The following ABLIM1 variants were observed in gnomAD, a reference collection of about 807,000 sequenced individuals.
The protein encoded by ABLIM1 is actin binding LIM protein 1.
In ABLIM1, 40 loss-of-function variants were observed where a neutral mutation model predicts 107.0. The ratio of observed to expected loss-of-function variants is 0.37; its 90% CI spans 0.29 to 0.49. ABLIM1 has a LOEUF of 0.49. ABLIM1 is among the 20% of genes least tolerant of loss of function. The probability of loss-of-function intolerance (pLI) is 0.97; values close to 1 mark genes in which losing one functional copy is unlikely to be tolerated. For synonymous variants in ABLIM1, 357 were observed against 357.3 expected, an observed-to-expected ratio of 1.00 and a Z score of 0.01; for missense variants, 857 against 1,008.5, an observed-to-expected ratio of 0.85 and a Z score of 2.04.
chr10:114,684,752 C>T (rs2141626970), exon 1 of ABLIM1: 1 of 996,844 alleles, frequency 1.0e-6, no homozygotes, highest in Non-Finnish European at 1.2e-6. Flanking sequence ...AATCCAGAAT[C>T]CAGATTTTGA....
At chr10:114,492,677 C>A (rs772109569) in intron 6 of ABLIM1, among the ~76,000 whole-genome samples, 2 of 152,204 alleles carry the variant, frequency 1.3e-5, no homozygotes, top group African/African-American at 2.4e-5. Flanking sequence ...AAATCATCAC[C>A]ACCTAAGAAC....
chr10:114,657,920 A>G, intron 1 of ABLIM1, 37 bp downstream of exon 1: 1 of 1,553,566 alleles, frequency 6.4e-7, no homozygotes, highest in Non-Finnish European at 8.8e-7. Context: ...CAATCACAAA[A>G]CACAAAACCA....
chr10:114,784,399 T>G, the ABLIM1 span, among the ~76,000 whole-genome samples: 1 of 146,920 alleles, frequency 6.8e-6, no homozygotes, highest in African/African-American at 2.7e-5. Flanking sequence ...GCATGGTAGC[T>G]CACGCCTGTA....
chr10:114,470,834 C>T (rs899560555), intron 10 of ABLIM1, among the ~76,000 whole-genome samples: 5 of 151,860 alleles, frequency 3.3e-5, no homozygotes, highest in African/African-American at 9.7e-5. Context: ...TAGTCAGCAT[C>T]GGTCTGGTTT....
At chr10:114,521,596 AG>A (rs2063746586) in intron 6 of ABLIM1, among the ~76,000 whole-genome samples, 1 of 152,164 alleles carries the variant, frequency 6.6e-6, no homozygotes, top group Non-Finnish European at 1.5e-5. Context: ...GAGGAATCAC[AG>A]GAGAGAAGCT....
intron 1 of ABLIM1, among the ~76,000 whole-genome samples, chr10:114,737,863 C>T (rs568654031): frequency 6.6e-6 from 1 of 152,146 alleles, no homozygotes; most frequent in Non-Finnish European, 1.5e-5. Flanking sequence ...AGCCTCAGAA[C>T]CACTCTAGTA....
In ABLIM1 at chr10:114,476,324, G is replaced by C. The variant is rs567923681; in HGVS notation, c.1042-2368C>G. On this transcript the variant is annotated intron_variant, in intron 8 of 22. Coordinates refer to ENST00000533213, the MANE Select transcript of ABLIM1 (RefSeq NM_002313.7). ...TTCTACCTCTGAGTATGTTGAAAAA[G>C]GAAAGACTCACATAACACTATTCAA... is the stretch of plus-strand genomic sequence containing the variant. 4.1e-4 allele frequency among the ~76,000 whole-genome samples: 62 copies of C among 152,234 alleles called. 1 individual carries two copies. The highest frequency in any genetic ancestry group is 1.4e-3 in the African/African-American group (60 of 41,540).
At chr10:114,597,803 G>A (rs1323555252) in intron 2 of ABLIM1, among the ~76,000 whole-genome samples, 21 of 152,210 alleles carry the variant, frequency 1.4e-4, no homozygotes, top group Non-Finnish European at 5.9e-5. Context: ...GAGGAAAAAC[G>A]TGTGGGATGA....
At chr10:114,479,318 C>T (rs892053456) in intron 8 of ABLIM1, among the ~76,000 whole-genome samples, 1 of 152,168 alleles carries the variant, frequency 6.6e-6, no homozygotes, top group Non-Finnish European at 1.5e-5. Context: ...ATGAATATTC[C>T]TTTCATACGT....
At chr10:114,716,496 A>C (rs1252737139) in intron 1 of ABLIM1, among the ~76,000 whole-genome samples, 1 of 152,024 alleles carries the variant, frequency 6.6e-6, no homozygotes, top group East Asian at 1.9e-4. Flanking sequence ...TTAAGGTAGA[A>C]CTTTTCCTCT....
chr10:114,677,642 G>T (rs1041977497), intron 1 of ABLIM1, among the ~76,000 whole-genome samples: 1 of 152,172 alleles, frequency 6.6e-6, no homozygotes. Context: ...ATGTGTGGTG[G>T]CATGCGCCTG....
chr10:114,800,373 T>C, the ABLIM1 span, among the ~76,000 whole-genome samples: 1 of 152,212 alleles, frequency 6.6e-6, no homozygotes, highest in Non-Finnish European at 1.5e-5. Flanking sequence ...AGGATATCCA[T>C]GTAGGTGAAG....
intron 15 of ABLIM1, 125 bp downstream of exon 15, chr10:114,447,755 C>A: frequency 7.4e-7 from 1 of 1,342,908 alleles, no homozygotes; most frequent in South Asian, 1.4e-5. Context: ...CACTATGCTA[C>A]CTCTTGGTCA....
upstream of ABLIM1, among the ~76,000 whole-genome samples, chr10:114,659,431 T>G (rs1046324692): frequency 2.0e-5 from 3 of 152,034 alleles, no homozygotes; most frequent in Admixed American, 6.6e-5. Context: ...GCAGGAGGAT[T>G]GGTTGAGTCC....
chr10:114,589,875 GTAGA>G (rs1327322883), intron 2 of ABLIM1, among the ~76,000 whole-genome samples: 3 of 152,286 alleles, frequency 2.0e-5, no homozygotes, highest in South Asian at 4.1e-4. Flanking sequence ...TGTGTACAGT[GTAGA>G]TAAAGTCTAC....
chr10:114,451,524 C>A, intron 14 of ABLIM1, 100 bp downstream of exon 14: 1 of 1,118,640 alleles, frequency 8.9e-7, no homozygotes, highest in Non-Finnish European at 1.4e-6. Flanking sequence ...CCCAGTTTTA[C>A]TCTCAAAAGC....
intron 1 of ABLIM1, among the ~76,000 whole-genome samples, chr10:114,614,556 T>G (rs889397893): frequency 6.6e-6 from 1 of 152,044 alleles, no homozygotes; most frequent in East Asian, 1.9e-4. Flanking sequence ...AAGACAGATA[T>G]AAAAAAATCT....
chr10:114,778,034 T>C, the ABLIM1 span: 1 of 152,234 alleles, frequency 6.6e-6, no homozygotes, highest in Non-Finnish European at 1.5e-5. Flanking sequence ...GTCATATTTT[T>C]TCAAAAGGTG....
intron 1 of ABLIM1, among the ~76,000 whole-genome samples, chr10:114,767,440 G>A (rs977834141): frequency 6.6e-6 from 1 of 152,042 alleles, no homozygotes; most frequent in Non-Finnish European, 1.5e-5. Context: ...CCCCAGCATC[G>A]TCGCTGGCTC....
Sources: gnomAD v4.1 joint callset for allele counts (sites outside exome capture counted in the v4.1 genomes callset) on GRCh38, gnomAD v4.1.1 for gene constraint, MANE v1.5 for transcripts, NCBI Gene and HGNC (gene_info 2026-07-23, HGNC 2026-07-21) for gene names.